ACTR8: variants seen among roughly 807,000 people sequenced by gnomAD.
ACTR8 encodes actin related protein 8.
ACTR8 carries 70 observed loss-of-function variants against 84.3 expected under a neutral mutation model. The observed-to-expected ratio is 0.83, with a 90% CI of 0.68 to 1.01. The LOEUF (loss-of-function observed/expected upper bound fraction) is 1.01. ACTR8 is among the 50% of genes least tolerant of loss of function. The pLI is 0.00. For missense variants in ACTR8, 672 were observed against 775.4 expected, an observed-to-expected ratio of 0.87 and a Z score of 1.58; for synonymous variants, 268 against 275.2, an observed-to-expected ratio of 0.97 and a Z score of 0.26.
chr3:53,864,853 A>C, downstream of ACTR8: 1 of 1,614,164 alleles, frequency 6.2e-7, no homozygotes, highest in Non-Finnish European at 8.5e-7. Flanking sequence ...TTGTTACTTC[A>C]CTGAATTTCT....
At chr3:53,863,224 G>C (rs188839902), downstream of ACTR8, among the ~76,000 whole-genome samples, 201 of 152,318 alleles carry the variant, frequency 1.3e-3, 1 homozygote, top group Middle Eastern at 3.4e-3. Context: ...AAGTTAAGTT[G>C]TGGGAAAATC....
At position 53,867,578 on chromosome 3, in the gene ACTR8, T is replaced by G. The variant is rs988545454; in HGVS notation, c.*1141A>C. ...ACTTATCTGTTCCCTGCTTTTGTCC[T>G]TCCCCAGTCTCACCCCCATCTCTAG... is the stretch of plus-strand genomic sequence containing the variant. On this transcript the variant is annotated 3_prime_UTR_variant, in exon 13 of 13. Coordinates refer to ENST00000335754, the MANE Select transcript of ACTR8 (RefSeq NM_022899.5). 1 of 152,210 alleles carries G rather than the reference T, an allele frequency of 6.6e-6. No individual in the cohort carries two copies. The highest frequency in any genetic ancestry group is 2.4e-5 in the African/African-American group (1 of 41,442). 9.4% of individuals were successfully genotyped at this position (152,210 alleles called of 1,614,324 possible). A position where few individuals can be genotyped will look rare whatever the true frequency, so the allele number is the denominator to read the frequency against.
chr3:53,864,929 G>A, downstream of ACTR8: 2 of 1,614,198 alleles, frequency 1.2e-6, no homozygotes, highest in Non-Finnish European at 1.7e-6. Context: ...GCAGAGATGG[G>A]TCCAGTGCAG....
Position 53,876,055 on chromosome 3 carries a change from C to T in ACTR8, c.804G>A (p.Val268=), listed in dbSNP as rs769069665. The T allele has an allele frequency of 9.3e-6, 15 of 1,611,708 alleles. No homozygotes were observed. Among genetic ancestry groups the T allele is most frequent in the South Asian group, 1.1e-5 (1 of 90,914 alleles). The change falls in exon 7 of 13, where the codon GTG becomes GTA. Residue 268 remains valine (V), a synonymous_variant. Coordinates refer to ENST00000335754, the MANE Select transcript of ACTR8 (RefSeq NM_022899.5). ...FSGIVVHQES[V]CATYGSGLSS... ...TTAAGCCACTTCCATAGGTGGCACA[C>T]ACAGACTCCTGATGGACCACAATCC...
Position 53,868,527 on chromosome 3 carries a change from C to G in ACTR8, c.*192G>C. 9 of 746,946 alleles carry G rather than the reference C, an allele frequency of 1.2e-5. No homozygotes were observed. The allele number at this position is 746,946 out of a possible 1,614,324, so 46.3% of individuals were successfully genotyped here. A position where few individuals can be genotyped will look rare whatever the true frequency, so the allele number is the denominator to read the frequency against. On this transcript the variant is annotated 3_prime_UTR_variant, in exon 13 of 13. Transcript: ENST00000335754. Reference sequence around the variant, plus strand: ...GAAAGTTCCTATTTATTCTCAAATGCCCTGACTAAACTGCTCAAAAGCAGT... The same window carrying G: ...GAAAGTTCCTATTTATTCTCAAATGGCCTGACTAAACTGCTCAAAAGCAGT...
intron 1 of ACTR8, 192 bp downstream of exon 1, chr3:53,881,787 G>A (rs1700065383): frequency 5.6e-6 from 5 of 885,804 alleles, no homozygotes; most frequent in South Asian, 1.7e-5. Context: ...CTGGCTCCTG[G>A]CGCTCCGCAC....
intron 12 of ACTR8, among the ~76,000 whole-genome samples, 199 bp downstream of exon 12, chr3:53,869,783 G>A (rs1048802060): frequency 5.5e-4 from 83 of 152,128 alleles, no homozygotes; most frequent in Non-Finnish European, 1.5e-4. Flanking sequence ...GCACGGCAGG[G>A]GAAAGCAGCA....
chr3:53,866,387 A>G (rs760951320), downstream of ACTR8, among the ~76,000 whole-genome samples: 5 of 152,222 alleles, frequency 3.3e-5, no homozygotes, highest in Non-Finnish European at 5.9e-5. Flanking sequence ...TCTAAAACAA[A>G]CAAACGAAAA....
chr3:53,859,908 G>A, the ACTR8 span: 4 of 429,088 alleles, frequency 9.3e-6, no homozygotes, highest in East Asian at 4.0e-5. Flanking sequence ...AGCTACTCAG[G>A]AGGCTGAGGC....
intron 10 of ACTR8, among the ~76,000 whole-genome samples, chr3:53,871,781 C>T (rs1377160403): frequency 6.6e-6 from 1 of 152,200 alleles, no homozygotes; most frequent in Non-Finnish European, 1.5e-5. Context: ...TGCAGACAGA[C>T]TTTCTTCCCC....
Position 53,870,263 on chromosome 3 carries a change from C to G in ACTR8, c.1568-118G>C. 1 of 1,224,106 alleles carries G rather than the reference C, an allele frequency of 8.2e-7. No individual in the cohort carries two copies. Among genetic ancestry groups the G allele is most frequent in the East Asian group, 2.4e-5 (1 of 42,418 alleles). 75.8% of individuals were successfully genotyped at this position (1,224,106 alleles called of 1,614,324 possible). Reference sequence around the variant, plus strand: ...AGCCTTCTCAAAGATTTCCCTCCAGCCCACCCTCCACACTGCAGCCAGGGG... The same window carrying G: ...AGCCTTCTCAAAGATTTCCCTCCAGGCCACCCTCCACACTGCAGCCAGGGG... On this transcript the variant is annotated intron_variant, in intron 11 of 12. Coordinates refer to ENST00000335754, the MANE Select transcript of ACTR8 (RefSeq NM_022899.5). This position sits in a 1 kb window ranked among gnomAD's most constrained non-coding sequence, Gnocchi z 4.1.
In ACTR8 at chr3:53,877,747, C is replaced by G. The variant is rs149202945; in HGVS notation, c.410G>C (p.Arg137Pro). 6.2e-7 allele frequency: 1 copy of G among 1,613,510 alleles called. No individual in the cohort carries two copies. The highest frequency in any genetic ancestry group is 8.5e-7 in the Non-Finnish European group (1 of 1,179,626). ...RRIPVSPEQA[R>P]SYNKQMRPAI... ...AGGTCGCATCTGCTTATTGTAGGAGCGTGCCTGAAAAGAAAAACCATCAGA... is the reference window on the plus strand; with the variant it reads ...AGGTCGCATCTGCTTATTGTAGGAGGGTGCCTGAAAAGAAAAACCATCAGA... Residue 137 changes from arginine to proline, a missense_variant, in exon 4 of 13, where the codon CGC becomes CCC. Transcript: ENST00000335754.
downstream of ACTR8, among the ~76,000 whole-genome samples, chr3:53,862,134 C>T (rs28741402): frequency 6.6e-6 from 1 of 152,132 alleles, no homozygotes; most frequent in Non-Finnish European, 1.5e-5. Context: ...TCCCAGGAAG[C>T]GACTGCCTTT....
downstream of ACTR8, chr3:53,864,920 CAG>C: frequency 1.2e-6 from 2 of 1,614,140 alleles, no homozygotes; most frequent in Non-Finnish European, 1.7e-6. Flanking sequence ...AAGAAAATAG[CAG>C]AGATGGGTCC....
rs1462488250 is a variant in ACTR8, at chr3:53,871,516, T to C, written c.1303-20A>G. The C allele has an allele frequency of 3.1e-6, 5 of 1,612,876 alleles. No homozygotes were observed. Among genetic ancestry groups the C allele is most frequent in the Non-Finnish European group, 4.2e-6 (5 of 1,179,584 alleles). On this transcript the variant is annotated intron_variant, in intron 10 of 12. Coordinates refer to ENST00000335754, the MANE Select transcript of ACTR8 (RefSeq NM_022899.5). Reference sequence around the variant, plus strand: ...TGCAGACTTTAAATCAAAAGGACAATCAAGTATGTGGTATTACAACAACAG... The same window carrying C: ...TGCAGACTTTAAATCAAAAGGACAACCAAGTATGTGGTATTACAACAACAG...
At chr3:53,860,156 CCT>C in the ACTR8 span, 1 of 1,614,000 alleles carries the variant, frequency 6.2e-7, no homozygotes, top group East Asian at 2.2e-5. Flanking sequence ...AGGCTGGCTG[CCT>C]CTCCTCCTGC....
At chr3:53,872,625 A>G in intron 9 of ACTR8, 101 bp from the exon 10 acceptor site, 1 of 1,371,872 alleles carries the variant, frequency 7.3e-7, no homozygotes, top group Non-Finnish European at 9.8e-7. Context: ...GGCAGATCAG[A>G]TTCCCTAAGT....
At chr3:53,879,227 C>T (rs113975473) in intron 2 of ACTR8, among the ~76,000 whole-genome samples, 2,799 of 152,222 alleles carry the variant, frequency 0.018, 77 homozygotes, top group African/African-American at 0.064. Flanking sequence ...TAATGAAGTG[C>T]GGACTCTTAT....
downstream of ACTR8, among the ~76,000 whole-genome samples, chr3:53,862,532 CA>C (rs1269854360): frequency 1.3e-5 from 2 of 151,984 alleles, no homozygotes; most frequent in Non-Finnish European, 2.9e-5. Context: ...GTAGATGTGG[CA>C]AAAAAGGTGG....
Sources: gnomAD v4.1 joint callset for allele counts (sites outside exome capture counted in the v4.1 genomes callset) on GRCh38, gnomAD v4.1.1 for gene constraint, Gnocchi (gnomAD v3.1) non-coding constraint, MANE v1.5 for transcripts, NCBI Gene and HGNC (gene_info 2026-07-23, HGNC 2026-07-21) for gene names.